KAZN: variants seen among roughly 807,000 people sequenced by gnomAD.
The protein encoded by KAZN is kazrin, periplakin interacting protein.
In KAZN, 40 loss-of-function variants were observed where a neutral mutation model predicts 87.4. The ratio of observed to expected loss-of-function variants is 0.46; its 90% confidence interval spans 0.36 to 0.60. KAZN has a LOEUF of 0.60. Ranked by LOEUF, KAZN falls within the 20% of genes least tolerant of loss-of-function variation. The pLI, the probability that KAZN is intolerant of heterozygous loss-of-function variation, is 0.00. For synonymous variants in KAZN, 466 were observed against 458.3 expected, an observed-to-expected ratio of 1.02 and a Z score of -0.22; for missense variants, 898 against 1,073.9, an observed-to-expected ratio of 0.84 and a Z score of 2.29.
At chr1:14,152,285 A>G (rs983481334) in intron 1 of KAZN, among the ~76,000 whole-genome samples, 1 of 151,932 alleles carries the variant, frequency 6.6e-6, no homozygotes, top group African/African-American at 2.4e-5. Flanking sequence ...CTTTCAAGCC[A>G]TTTTTTCTTT....
At chr1:14,068,238 G>C (rs1314971488) in intron 1 of KAZN, among the ~76,000 whole-genome samples, 2 of 152,224 alleles carry the variant, frequency 1.3e-5, no homozygotes, top group Non-Finnish European at 1.5e-5. Flanking sequence ...TAGAGACAAG[G>C]GTGTCCCTAT....
chr1:13,940,975 A>G (rs1640905690), intron 1 of KAZN, among the ~76,000 whole-genome samples: 1 of 152,176 alleles, frequency 6.6e-6, no homozygotes, highest in African/African-American at 2.4e-5. Context: ...TGGGTGGATC[A>G]CCTGAGGTCA....
chr1:14,411,636 A>G (rs570230253), intron 2 of KAZN, among the ~76,000 whole-genome samples: 5 of 152,362 alleles, frequency 3.3e-5, no homozygotes, highest in African/African-American at 1.2e-4. Context: ...AAGCTTGCTG[A>G]AAGAGCTGCT....
chr1:14,600,520 G>A (rs1676873026), intron 1 of KAZN, among the ~76,000 whole-genome samples: 1 of 152,074 alleles, frequency 6.6e-6, no homozygotes, highest in South Asian at 2.1e-4. Context: ...GGAATTGGGG[G>A]GAGTACTTTG....
intron 1 of KAZN, among the ~76,000 whole-genome samples, chr1:14,905,476 C>G (rs1322587744): frequency 2.6e-5 from 4 of 152,216 alleles, no homozygotes; most frequent in Admixed American, 2.0e-4. Context: ...CTGCATCTGG[C>G]ACATCCTCCC....
At chr1:14,784,972 T>A (rs1471517818) in intron 1 of KAZN, among the ~76,000 whole-genome samples, 3 of 145,346 alleles carry the variant, frequency 2.1e-5, no homozygotes, top group Non-Finnish European at 4.4e-5. Flanking sequence ...CTGCTTACTT[T>A]TTTTTTTTTT....
chr1:14,300,268 A>T (rs938508704), intron 2 of KAZN, among the ~76,000 whole-genome samples: 14 of 150,926 alleles, frequency 9.3e-5, no homozygotes, highest in Middle Eastern at 3.2e-3. Context: ...GAATTTATTT[A>T]TTTTTTTTTA....
intron 2 of KAZN, among the ~76,000 whole-genome samples, chr1:14,580,873 A>G (rs1675504685): frequency 6.6e-6 from 1 of 152,160 alleles, no homozygotes; most frequent in Admixed American, 6.5e-5. Context: ...TACTCAGCCT[A>G]TTAGAAAGTT....
intron 1 of KAZN, among the ~76,000 whole-genome samples, chr1:14,865,632 C>A (rs1361727222): frequency 3.9e-5 from 6 of 152,196 alleles, no homozygotes; most frequent in Non-Finnish European, 8.8e-5. Context: ...CGACCACCCT[C>A]CCCCTTGCTC....
chr1:14,310,134 A>G lies in KAZN; in HGVS notation c.249+129542A>G, dbSNP rs1405630525. Among the ~76,000 whole-genome samples, 4 of 152,154 alleles carry G rather than the reference A, an allele frequency of 2.6e-5. No homozygotes were observed. In the East Asian group the frequency reaches 7.7e-4, roughly 29 times the overall value. ...GTTTTGAAAGAAAGGTTGGCTTTGA[A>G]CACATGGCAGTGGGAAGAAGGATAT... On this transcript the variant is annotated intron_variant, in intron 2 of 16. Coordinates refer to the KAZN transcript ENST00000636203.
rs572111140 is a variant in KAZN at position 14,777,594 on chromosome 1, C to T, written c.226+178371C>T. 6.6e-5 allele frequency among the ~76,000 whole-genome samples: 10 copies of T among 152,268 alleles called. No homozygotes were observed. In the South Asian group the frequency reaches 2.1e-3, roughly 32 times the overall value. On this transcript the variant is annotated intron_variant, in intron 1 of 14. Coordinates refer to ENST00000376030, the MANE Select transcript of KAZN (RefSeq NM_201628.3). ...CCTCCTTAGGACCTTCTTTCTGTCC[C>T]CTGAACTAGCCAAGCATGTTCAAGT...
rs1244857211 is a variant in KAZN at position 14,976,577 on chromosome 1, G to A, written c.418+15702G>A. On this transcript the variant is annotated intron_variant, in intron 2 of 14. Coordinates refer to ENST00000376030, the MANE Select transcript of KAZN (RefSeq NM_201628.3). ...AACCCATGGGTTCCAGCAGAAATGC[G>A]TGAGCCGGATGAGCCCACGCTGCCC... is the stretch of plus-strand genomic sequence containing the variant. Among the ~76,000 whole-genome samples, 7 of 152,228 alleles carry A rather than the reference G, an allele frequency of 4.6e-5. No individual in the cohort carries two copies. In the South Asian group the frequency reaches 6.2e-4, roughly 13 times the overall value.
chr1:14,845,032 T>C (rs746392314), intron 1 of KAZN, among the ~76,000 whole-genome samples: 17 of 148,302 alleles, frequency 1.1e-4, no homozygotes, highest in Non-Finnish European at 1.9e-4. Context: ...GGGTGAGTAG[T>C]TGGATGAGTG....
At chr1:14,463,112 T>C (rs1667940209) in intron 2 of KAZN, among the ~76,000 whole-genome samples, 1 of 152,118 alleles carries the variant, frequency 6.6e-6, no homozygotes, top group Non-Finnish European at 1.5e-5. Context: ...AAGGGGTGGG[T>C]TAATGCAAAT....
intron 1 of KAZN, among the ~76,000 whole-genome samples, chr1:14,919,005 C>T (rs1033758902): frequency 6.6e-6 from 1 of 151,990 alleles, no homozygotes; most frequent in Non-Finnish European, 1.5e-5. Flanking sequence ...AGGTAATATA[C>T]TTCCCATCAC....
At chr1:14,270,734 C>T (rs1651854694) in intron 2 of KAZN, among the ~76,000 whole-genome samples, 1 of 152,182 alleles carries the variant, frequency 6.6e-6, no homozygotes, top group South Asian at 2.1e-4. Flanking sequence ...TTAACTCACT[C>T]ACTCTCTACA....
chr1:14,583,594 G>T (rs915003059), intron 2 of KAZN, among the ~76,000 whole-genome samples: 2 of 152,192 alleles, frequency 1.3e-5, no homozygotes, highest in African/African-American at 4.8e-5. Context: ...CTGGCCCAAG[G>T]CTGGTTCCTG....
In KAZN at chr1:14,070,167, CA is replaced by C. The variant is rs61327562; in HGVS notation, c.92-110255del. 1.4e-3 allele frequency among the ~76,000 whole-genome samples: 104 copies of C among 72,868 alleles called. 2 individuals carry two copies. The highest frequency in any genetic ancestry group is 1.2e-3 in the Non-Finnish European group (48 of 39,180). 47.8% of individuals were successfully genotyped at this position (72,868 alleles called of 152,430 possible). ...TTGGCGACAGTGCGAGACTCCATCT[CA>C]AAAAAAAAAAAAGTAAATAAATAAA... On this transcript the variant is annotated intron_variant, in intron 1 of 16. Transcript: ENST00000636203.
At position 14,971,399 on chromosome 1, in the gene KAZN, C is replaced by G. The variant is rs1029272270; in HGVS notation, c.418+10524C>G. ...GGCGACAGAGCGAGACTGTCTCAAA[C>G]AAAAAAAGAAAAGAAAAAGAAAATC... On this transcript the variant is annotated intron_variant, in intron 2 of 14. Coordinates refer to ENST00000376030, the MANE Select transcript of KAZN (RefSeq NM_201628.3). Among the ~76,000 whole-genome samples, 8 of 151,946 alleles carry G rather than the reference C, an allele frequency of 5.3e-5. 1 individual carries two copies. The East Asian group carries it at 1.6e-3, about 29-fold the overall frequency.
Sources: gnomAD v4.1 joint callset for allele counts (sites outside exome capture counted in the v4.1 genomes callset) on GRCh38, gnomAD v4.1.1 for gene constraint, MANE v1.5 for transcripts, NCBI Gene and HGNC (gene_info 2026-07-23, HGNC 2026-07-21) for gene names.